Variants in PCDH15 observed in about 807,000 individuals in gnomAD.
PCDH15 encodes the protein protocadherin-15.
In PCDH15, 129 loss-of-function variants were observed where a neutral mutation model predicts 178.5. The ratio of observed to expected loss-of-function variants is 0.72; its 90% CI spans 0.63 to 0.84. The LOEUF (loss-of-function observed/expected upper bound fraction) is 0.84. PCDH15 is among the 40% of genes least tolerant of loss of function. The probability of loss-of-function intolerance (pLI) is 0.00; values close to 1 mark genes in which losing one functional copy is unlikely to be tolerated. For missense variants in PCDH15, 2,230 were observed against 2,099.9 expected, an observed-to-expected ratio of 1.06 and a Z score of -1.21; for synonymous variants, 800 against 732.0, an observed-to-expected ratio of 1.09 and a Z score of -1.50.
chr10:54,981,165 C>T lies in PCDH15; in HGVS notation c.-79-83665G>A, dbSNP rs138266089. 8.7e-3 allele frequency among the ~76,000 whole-genome samples: 1,326 copies of T among 152,188 alleles called. 17 individuals carry two copies. The highest frequency in any genetic ancestry group is 0.012 in the Non-Finnish European group (818 of 67,986). On this transcript the variant is annotated intron_variant, in intron 2 of 5. Transcript: ENST00000458638. ...TGCTGCAACAAACAAAAACTCAAAACGAATCTTCTTTAGATACATTTCACC... is the reference window on the plus strand; with the variant it reads ...TGCTGCAACAAACAAAAACTCAAAATGAATCTTCTTTAGATACATTTCACC...
At position 54,055,035 on chromosome 10, in the gene PCDH15, T is replaced by G. The variant is rs185449895; in HGVS notation, c.2220+11722A>C. Among the ~76,000 whole-genome samples the G allele has an allele frequency of 1.8e-4, 27 of 152,312 alleles. No individual in the cohort carries two copies. In the East Asian group the frequency reaches 5.0e-3, roughly 28 times the overall value. On this transcript the variant is annotated intron_variant, in intron 18 of 37. Coordinates refer to ENST00000644397, the MANE Select transcript of PCDH15 (RefSeq NM_001384140.1). The stretch of plus-strand genomic sequence containing the variant: ...AGAACCCCACACAGGGAGACAACTA[T>G]AGTAATCAGAGTTAGGCCACTGAGG...
chr10:55,035,256 T>G (rs1046338300), intron 2 of PCDH15, among the ~76,000 whole-genome samples: 3 of 152,286 alleles, frequency 2.0e-5, no homozygotes, highest in Admixed American at 6.5e-5. Context: ...CTTATAGCAT[T>G]ATTTTTGTAT....
chr10:55,132,246 T>C (rs1182890110), intron 2 of PCDH15, among the ~76,000 whole-genome samples: 4 of 152,162 alleles, frequency 2.6e-5, no homozygotes, highest in African/African-American at 9.7e-5. Context: ...TGCAAAACAC[T>C]CACAAAAGGC....
At chr10:55,374,184 G>A (rs1187343555) in intron 2 of PCDH15, among the ~76,000 whole-genome samples, 1 of 151,938 alleles carries the variant, frequency 6.6e-6, no homozygotes, top group African/African-American at 2.4e-5. Flanking sequence ...TGCTGGACTT[G>A]CTTTGTGTCA....
intron 1 of PCDH15, among the ~76,000 whole-genome samples, chr10:55,251,992 T>C (rs1841849853): frequency 6.6e-6 from 1 of 152,152 alleles, no homozygotes. Flanking sequence ...AAACCTGATA[T>C]ATTTCTGCTC....
intron 2 of PCDH15, among the ~76,000 whole-genome samples, chr10:55,117,614 A>G (rs1837659892): frequency 6.6e-6 from 1 of 152,190 alleles, no homozygotes. Context: ...CTGTCCCACT[A>G]TTTAGACTCA....
In PCDH15 at chr10:54,185,258, G is replaced by A; in HGVS notation, c.1316C>T (p.Pro439Leu). 1 of 1,613,368 alleles carries A rather than the reference G, an allele frequency of 6.2e-7. No homozygotes were observed. The highest frequency in any genetic ancestry group is 1.1e-5 in the South Asian group (1 of 91,060). Residue 439 changes from proline to leucine, a missense_variant, in exon 12 of 38, where the codon CCA becomes CTA. By Grantham distance (98) the Pro-to-Leu change is moderately conservative (BLOSUM62 -3). Coordinates refer to ENST00000644397, the MANE Select transcript of PCDH15 (RefSeq NM_001384140.1). The part of the protein sequence containing the change: ...LDKDIEDTKD[P>L]ELHLFLNDYT... ...GTCATTCAGAAAAAGGTGAAGCTCT[G>A]GGTCTTTTGTCTTTGAAAAAAAATG...
intron 8 of PCDH15, among the ~76,000 whole-genome samples, chr10:54,291,409 A>C (rs556180372): frequency 6.6e-6 from 1 of 152,340 alleles, no homozygotes; most frequent in African/African-American, 2.4e-5. Context: ...CACAGCTGAA[A>C]GAACTAGAGA....
intron 2 of PCDH15, among the ~76,000 whole-genome samples, chr10:55,574,616 T>A (rs1463943213): frequency 6.6e-6 from 1 of 152,024 alleles, no homozygotes; most frequent in East Asian, 1.9e-4. Flanking sequence ...AAACTTGGAA[T>A]CAAGTCACAC....
intron 5 of PCDH15, among the ~76,000 whole-genome samples, chr10:54,361,549 T>C (rs1946053893): frequency 6.6e-6 from 1 of 151,990 alleles, no homozygotes; most frequent in Admixed American, 6.6e-5. Flanking sequence ...TATTATAGTT[T>C]TTTTTAATTG....
At chr10:55,177,721 A>G (rs1251608310) in intron 1 of PCDH15, among the ~76,000 whole-genome samples, 1 of 152,174 alleles carries the variant, frequency 6.6e-6, no homozygotes, top group African/African-American at 2.4e-5. Flanking sequence ...AGAAGGTGTC[A>G]CTGTCAAAAC....
chr10:55,138,432 G>A (rs1307305993), intron 2 of PCDH15, among the ~76,000 whole-genome samples: 1 of 152,088 alleles, frequency 6.6e-6, no homozygotes, highest in Non-Finnish European at 1.5e-5. Context: ...TATTCTTGAA[G>A]TAATTCCTGT....
In PCDH15 at chr10:54,384,781, G is replaced by A. The variant is rs995376021; in HGVS notation, c.158-5839C>T. 8.6e-5 allele frequency among the ~76,000 whole-genome samples: 13 copies of A among 152,016 alleles called. No individual in the cohort carries two copies. The South Asian group carries it at 1.2e-3, about 15-fold the overall frequency. On this transcript the variant is annotated intron_variant, in intron 3 of 37. Coordinates refer to ENST00000644397, the MANE Select transcript of PCDH15 (RefSeq NM_001384140.1). Reference sequence around the variant, plus strand: ...TTATAGCAGGAATGAAAATATTTACGTTATATTTATGGTCAAATACGATTT... The same window carrying A: ...TTATAGCAGGAATGAAAATATTTACATTATATTTATGGTCAAATACGATTT...
intron 21 of PCDH15, among the ~76,000 whole-genome samples, chr10:53,982,064 A>C (rs1006504564): frequency 7.2e-5 from 11 of 152,222 alleles, no homozygotes; most frequent in African/African-American, 2.4e-4. Context: ...AAGACACATG[A>C]AAAAATGCTC....
intron 2 of PCDH15, among the ~76,000 whole-genome samples, chr10:55,350,934 G>A (rs540447760): frequency 1.3e-5 from 2 of 151,286 alleles, no homozygotes; most frequent in Admixed American, 1.3e-4. Flanking sequence ...AAGTACGTGT[G>A]GTCCACATGT....
At chr10:55,454,767 A>G (rs1454473953) in intron 2 of PCDH15, among the ~76,000 whole-genome samples, 1 of 132,264 alleles carries the variant, frequency 7.6e-6, no homozygotes, top group Non-Finnish European at 1.6e-5. Flanking sequence ...CCTGGGCAAC[A>G]GAGACTCTGT....
At position 55,544,822 on chromosome 10, in the gene PCDH15, C is replaced by CACACACAGAAACACATACACACATA. The variant is rs1841843323; in HGVS notation, c.-156+82802_-156+82803insTATGTGTGTATGTGTTTCTGTGTGT. Among the ~76,000 whole-genome samples, 5 of 152,110 alleles carry CACACACAGAAACACATACACACATA rather than the reference C, an allele frequency of 3.3e-5. No homozygotes were observed. The East Asian group carries it at 9.7e-4, about 29-fold the overall frequency. On this transcript the variant is annotated intron_variant, in intron 2 of 5. Transcript: ENST00000613346. ...CATACACACATATACACCAGATTGC[C>CACACACAGAAACACATACACACATA]TAGAACAGAGAGGGAAAAGAAAACT...
At chr10:54,861,334 T>C (rs2131780536) in intron 3 of PCDH15, among the ~76,000 whole-genome samples, 1 of 152,210 alleles carries the variant, frequency 6.6e-6, no homozygotes, top group South Asian at 2.1e-4. Context: ...GGCACTACTA[T>C]GAGTATGGCA....
chr10:55,255,099 C>T (rs1201530248), intron 1 of PCDH15, among the ~76,000 whole-genome samples: 1 of 152,136 alleles, frequency 6.6e-6, no homozygotes, highest in Non-Finnish European at 1.5e-5. Context: ...CTATCCCTCC[C>T]CAATCCCTCC....
Sources: allele counts gnomAD v4.1 joint callset (sites outside exome capture counted in the v4.1 genomes callset), GRCh38; gene constraint gnomAD v4.1.1; transcripts MANE v1.5; gene names NCBI Gene and HGNC (gene_info 2026-07-23, HGNC 2026-07-21).